Variants in CFAP95 observed in about 807,000 individuals in gnomAD.
The protein encoded by CFAP95 is cilia- and flagella-associated protein 95.
At chr9:69,852,554 G>A in the CFAP95 span, among the ~76,000 whole-genome samples, 1 of 152,108 alleles carries the variant, frequency 6.6e-6, no homozygotes, top group Admixed American at 6.5e-5. Context: ...TTTCCACCCT[G>A]AGAGTGGGGC....
chr9:69,855,114 A>T, the CFAP95 span, among the ~76,000 whole-genome samples: 1 of 152,172 alleles, frequency 6.6e-6, no homozygotes, highest in East Asian at 1.9e-4. Context: ...TAACACTCAG[A>T]GGGTTGCTTT....
chr9:69,839,062 C>A, the CFAP95 span, among the ~76,000 whole-genome samples: 2 of 29,874 alleles, frequency 6.7e-5, no homozygotes, highest in Non-Finnish European at 1.6e-4. Context: ...ATTGAACCAG[C>A]CTTGCATCCC....
the CFAP95 span, chr9:69,857,921 G>A: frequency 6.2e-7 from 1 of 1,613,942 alleles, no homozygotes; most frequent in Non-Finnish European, 8.5e-7. Flanking sequence ...TCACCGGATT[G>A]CCTGCCACAG....
At chr9:69,862,611 G>A in the CFAP95 span, among the ~76,000 whole-genome samples, 1 of 152,160 alleles carries the variant, frequency 6.6e-6, no homozygotes, top group Admixed American at 6.5e-5. Flanking sequence ...ACCAAAATAT[G>A]CTTCAAGTTA....
chr9:69,833,821 C>T, the CFAP95 span, among the ~76,000 whole-genome samples: 213 of 152,172 alleles, frequency 1.4e-3, no homozygotes, highest in African/African-American at 4.9e-3. Context: ...TGTGTAGTTA[C>T]GTTCATTATG....
At chr9:69,896,640 A>G in the CFAP95 span, among the ~76,000 whole-genome samples, 103 of 152,342 alleles carry the variant, frequency 6.8e-4, no homozygotes, top group Non-Finnish European at 1.3e-3. Flanking sequence ...ACATAAGAAT[A>G]TATCCCACTA....
chr9:69,897,144 T>A, the CFAP95 span, among the ~76,000 whole-genome samples: 1 of 152,216 alleles, frequency 6.6e-6, no homozygotes, highest in Non-Finnish European at 1.5e-5. Flanking sequence ...ATGCTGGAAA[T>A]AATGAAACAA....
the CFAP95 span, among the ~76,000 whole-genome samples, chr9:69,831,330 G>A: frequency 1.3e-5 from 2 of 151,874 alleles, no homozygotes; most frequent in East Asian, 3.9e-4. Flanking sequence ...TTAAACATTT[G>A]GAAAAACTGA....
the CFAP95 span, among the ~76,000 whole-genome samples, chr9:69,896,464 T>G: frequency 6.6e-6 from 1 of 152,194 alleles, no homozygotes; most frequent in African/African-American, 2.4e-5. Context: ...TCATTAGTGG[T>G]AGAGATATTT....
chr9:69,821,060 G>C, the CFAP95 span: 2 of 1,606,460 alleles, frequency 1.2e-6, no homozygotes, highest in South Asian at 2.2e-5. Flanking sequence ...CAAGTTCCCG[G>C]GTGCTGCGGG....
the CFAP95 span, among the ~76,000 whole-genome samples, chr9:69,832,333 G>T: frequency 6.6e-5 from 10 of 152,098 alleles, no homozygotes; most frequent in African/African-American, 2.4e-4. Context: ...ATTTTTCTTT[G>T]TGTGTAAAAC....
the CFAP95 span, among the ~76,000 whole-genome samples, chr9:69,895,925 T>C: frequency 6.6e-6 from 1 of 152,160 alleles, no homozygotes; most frequent in Admixed American, 6.5e-5. Context: ...CCTCTGAAAG[T>C]GCTGGGATTA....
the CFAP95 span, among the ~76,000 whole-genome samples, chr9:69,881,496 G>A: frequency 6.6e-6 from 1 of 152,108 alleles, no homozygotes; most frequent in East Asian, 1.9e-4. Context: ...TTGTTTCTGG[G>A]TTCTGTATTC....
the CFAP95 span, among the ~76,000 whole-genome samples, chr9:69,890,821 C>T: frequency 6.6e-6 from 1 of 152,056 alleles, no homozygotes. Flanking sequence ...TAAAGTGGGA[C>T]AGCATTATAG....
the CFAP95 span, among the ~76,000 whole-genome samples, chr9:69,856,920 G>GTC: frequency 7.9e-6 from 1 of 125,938 alleles, no homozygotes; most frequent in African/African-American, 2.9e-5. Context: ...CTTTATATGT[G>GTC]TTTTTTTTTT....
chr9:69,832,620 A>ATT, the CFAP95 span, among the ~76,000 whole-genome samples: 12 of 11,348 alleles, frequency 1.1e-3, no homozygotes, highest in East Asian at 9.7e-3. Flanking sequence ...GTCTATTCGG[A>ATT]TTTTTTTTTT....
At chr9:69,852,755 G>A in the CFAP95 span, among the ~76,000 whole-genome samples, 12 of 152,282 alleles carry the variant, frequency 7.9e-5, no homozygotes, top group Middle Eastern at 3.4e-3. Flanking sequence ...CTCCTATAAC[G>A]TGGGAAGGAC....
chr9:69,873,522 C>T, the CFAP95 span, among the ~76,000 whole-genome samples: 3 of 152,264 alleles, frequency 2.0e-5, no homozygotes, highest in African/African-American at 7.2e-5. Flanking sequence ...GCACAATGCA[C>T]CCCGTCACCT....
At chr9:69,862,055 C>G in the CFAP95 span, among the ~76,000 whole-genome samples, 1 of 152,222 alleles carries the variant, frequency 6.6e-6, no homozygotes, top group Non-Finnish European at 1.5e-5. Context: ...ATTCAATGCT[C>G]TGAAGGGAAA....
Sources: allele counts gnomAD v4.1 joint callset (sites outside exome capture counted in the v4.1 genomes callset), GRCh38; gene constraint gnomAD v4.1.1; transcripts MANE v1.5; gene names NCBI Gene and HGNC (gene_info 2026-07-23, HGNC 2026-07-21).